Variants in HSPB2 observed in about 807,000 individuals in gnomAD.
HSPB2 encodes heat shock protein beta-2.
Under a neutral mutation model 14.1 loss-of-function variants are expected in HSPB2, and 14 were observed. The observed-to-expected ratio is 0.99, with a 90% confidence interval of 0.66 to 1.55. The LOEUF is 1.55. HSPB2 is among the 40% of genes most tolerant of loss of function. HSPB2 has a pLI of 0.00. For synonymous variants in HSPB2, 110 were observed against 103.4 expected (o/e 1.06, Z -0.39); for missense variants, 242 against 241.7 (o/e 1.00, Z -0.01).
chr11:111,913,939 A>G lies in HSPB2; in HGVS notation c.*44A>G, dbSNP rs782181947. On this transcript the variant is annotated 3_prime_UTR_variant, in exon 2 of 2. Coordinates refer to ENST00000304298, the MANE Select transcript of HSPB2 (RefSeq NM_001541.4). Reference sequence around the variant, plus strand: ...CCAGCAAATCCCTCTCTACCTCCCAAGGTGATATGGGCAGCTGCCCACCAC... The same window carrying G: ...CCAGCAAATCCCTCTCTACCTCCCAGGGTGATATGGGCAGCTGCCCACCAC... 1 of 1,496,706 alleles carries G rather than the reference A, an allele frequency of 6.7e-7. No homozygotes were observed. Among genetic ancestry groups the G allele is most frequent in the East Asian group, 2.3e-5 (1 of 43,310 alleles). 92.7% of individuals were successfully genotyped at this position (1,496,706 alleles called of 1,614,324 possible).
In HSPB2 at chr11:111,913,624, T is replaced by C. The variant is rs1555165873; in HGVS notation, c.278T>C (p.Val93Ala). The change falls in exon 2 of 2, where the codon GTG becomes GCG. Residue 93 changes from valine (V) to alanine (A), a missense_variant. Transcript: ENST00000304298. ...CCAGACGAGGTGACTGTGAGGACTG[T>C]GGATAACCTGCTGGAGGTGTCTGCC... is the stretch of plus-strand genomic sequence containing the variant. Reference protein sequence around the residue: ...FTPDEVTVRTVDNLLEVSARH... With the variant: ...FTPDEVTVRTADNLLEVSARH... 1 of 1,614,162 alleles carries C rather than the reference T, an allele frequency of 6.2e-7. No individual in the cohort carries two copies. The highest frequency in any genetic ancestry group is 8.5e-7 in the Non-Finnish European group (1 of 1,180,032).
chr11:111,913,260 C>T, intron 1 of HSPB2, 181 bp from the exon 2 acceptor site: 1 of 638,016 alleles, frequency 1.6e-6, no homozygotes, highest in Non-Finnish European at 2.8e-6. Flanking sequence ...CCTTTCCGTT[C>T]TCTTTCCCCT....
chr11:111,913,655 C>T lies in HSPB2; in HGVS notation c.309C>T (p.His103=). Residue 103 remains histidine, a synonymous_variant, in exon 2 of 2, where the codon CAC becomes CAT. Transcript: ENST00000304298. ...VDNLLEVSAR[H]PQRLDRHGFV... ...ACCTGCTGGAGGTGTCTGCCCGGCA[C>T]CCCCAGCGCCTGGACCGCCACGGCT... The T allele has an allele frequency of 6.2e-7, 1 of 1,614,162 alleles. No individual in the cohort carries two copies. The highest frequency in any genetic ancestry group is 8.5e-7 in the Non-Finnish European group (1 of 1,180,036).
rs782144055 is a variant in HSPB2, at chr11:111,913,521, G to A, written c.175G>A (p.Gly59Ser). Residue 59 changes from glycine (G) to serine (S), a missense_variant, in exon 2 of 2, where the codon GGC becomes AGC. Physicochemically the swap from Gly to Ser is moderately conservative, Grantham distance 56. Transcript: ENST00000304298. ...GCCTCGGGCCGCCCCAGCTGGGGAG[G>A]GCAGCAGGGCAGGGGCCTCCGAGCT... ...VRPRAAPAGE[G>S]SRAGASELRL... 8 of 1,614,074 alleles carry A rather than the reference G, an allele frequency of 5.0e-6. No individual in the cohort carries two copies. Among genetic ancestry groups the A allele is most frequent in the Non-Finnish European group, 6.8e-6 (8 of 1,179,992 alleles).
intron 1 of HSPB2, 172 bp from the exon 2 acceptor site, chr11:111,913,269 C>G: frequency 1.5e-6 from 1 of 657,320 alleles, no homozygotes; most frequent in Non-Finnish European, 2.7e-6. Context: ...TCTCTTTCCC[C>G]TCTTCCGAGC....
chr11:111,913,660 A>G lies in HSPB2; in HGVS notation c.314A>G (p.Gln105Arg). Residue 105 changes from glutamine to arginine, a missense_variant, in exon 2 of 2, where the codon CAG becomes CGG. By Grantham distance (43) the Gln-to-Arg change is conservative. Transcript: ENST00000304298. ...NLLEVSARHP[Q>R]RLDRHGFVSR... The stretch of plus-strand genomic sequence containing the variant: ...CTGGAGGTGTCTGCCCGGCACCCCC[A>G]GCGCCTGGACCGCCACGGCTTCGTG... 1 of 1,614,112 alleles carries G rather than the reference A, an allele frequency of 6.2e-7. No individual in the cohort carries two copies. Among genetic ancestry groups the G allele is most frequent in the Non-Finnish European group, 8.5e-7 (1 of 1,180,014 alleles).
rs1555165783 is a variant in HSPB2, at chr11:111,912,932, C to T, written c.94+9C>T. ...GCAGCGCTTCGGAGAAGGTATGGCA[C>T]AGACACCACCCCCTTGCCCCCCACC... On this transcript the variant is annotated intron_variant, in intron 1 of 1. Coordinates refer to ENST00000304298, the MANE Select transcript of HSPB2 (RefSeq NM_001541.4). 1.9e-6 allele frequency: 3 copies of T among 1,581,930 alleles called. No homozygotes were observed. The highest frequency in any genetic ancestry group is 3.6e-5 in the Admixed American group (2 of 56,206).
At chr11:111,913,221 C>T (rs1965528139) in intron 1 of HSPB2, 2 of 607,448 alleles carry the variant, frequency 3.3e-6, no homozygotes, top group East Asian at 5.5e-5. Flanking sequence ...CCTCCCCCTC[C>T]TCCTCCTTCT....
In HSPB2 at chr11:111,912,775, C is replaced by T; in HGVS notation, c.-55C>T. ...GCTCTCCGGGCAGCTGGAGGGGTCG[C>T]GCTGCGCCTGTTGGGGCTGCACCTC... is the stretch of plus-strand genomic sequence containing the variant. On this transcript the variant is annotated 5_prime_UTR_variant, in exon 1 of 2. Coordinates refer to ENST00000304298, the MANE Select transcript of HSPB2 (RefSeq NM_001541.4). 8 of 1,414,608 alleles carry T rather than the reference C, an allele frequency of 5.7e-6. No individual in the cohort carries two copies. The highest frequency in any genetic ancestry group is 6.8e-6 in the Non-Finnish European group (7 of 1,028,490). 87.6% of individuals were successfully genotyped at this position (1,414,608 alleles called of 1,614,324 possible).
In HSPB2 at chr11:111,913,557, G is replaced by T; in HGVS notation, c.211G>T (p.Glu71Ter). The change falls in exon 2 of 2, where the codon GAG becomes TAG. Residue 71 changes from glutamate (E) to a stop codon, truncating the protein, a stop_gained. Coordinates refer to ENST00000304298, the MANE Select transcript of HSPB2 (RefSeq NM_001541.4). LOFTEE classifies it high-confidence loss of function. The part of the protein sequence containing the change: ...RAGASELRLS[E>*]GKFQAFLDVS... ...AGGGGCCTCCGAGCTTAGGCTCAGT[G>T]AGGGCAAGTTCCAGGCATTTCTGGA... The T allele has an allele frequency of 6.2e-7, 1 of 1,614,196 alleles. No homozygotes were observed. Among genetic ancestry groups the T allele is most frequent in the South Asian group, 1.1e-5 (1 of 91,090 alleles).
chr11:111,913,316 C>T (rs781895872), intron 1 of HSPB2, 125 bp from the exon 2 acceptor site: 23 of 742,604 alleles, frequency 3.1e-5, no homozygotes, highest in Non-Finnish European at 4.1e-5. Context: ...GCCTCCCTCC[C>T]GTTCCCTACT....
At position 111,913,752 on chromosome 11, in the gene HSPB2, C is replaced by G. The variant is rs782718651; in HGVS notation, c.406C>G (p.Leu136Val). ...DVDPWRVRAA[L>V]SHDGILNLEA... ...CGACCCCTGGCGAGTCCGAGCTGCT[C>G]TCTCCCATGATGGCATCTTAAACCT... The change falls in exon 2 of 2, where the codon CTC becomes GTC. Residue 136 changes from leucine to valine, a missense_variant. By Grantham distance (32) the Leu-to-Val change is conservative. Transcript: ENST00000304298. 4 of 1,614,172 alleles carry G rather than the reference C, an allele frequency of 2.5e-6. No homozygotes were observed. The highest frequency in any genetic ancestry group is 3.4e-6 in the Non-Finnish European group (4 of 1,180,040).
At chr11:111,913,396 C>G in intron 1 of HSPB2, 45 bp from the exon 2 acceptor site, 1 of 1,471,954 alleles carries the variant, frequency 6.8e-7, no homozygotes, top group Non-Finnish European at 9.3e-7. Flanking sequence ...CTGTGCCAGC[C>G]TCATCCTCCC....
intron 1 of HSPB2, 54 bp downstream of exon 1, chr11:111,912,977 G>T (rs1181306292): frequency 1.6e-5 from 22 of 1,356,330 alleles, no homozygotes; most frequent in Non-Finnish European, 2.2e-5. Flanking sequence ...TGAAATTCTG[G>T]GCTGACCTCC....
intron 1 of HSPB2, 26 bp downstream of exon 1, chr11:111,912,949 C>A: frequency 2.1e-6 from 2 of 969,386 alleles, no homozygotes; most frequent in Non-Finnish European, 2.8e-6. Context: ...CACCCCCTTG[C>A]CCCCCACCCC....
At position 111,913,813 on chromosome 11, in the gene HSPB2, A is replaced by G. The variant is rs1592513251; in HGVS notation, c.467A>G (p.Glu156Gly). Residue 156 changes from glutamate to glycine, a missense_variant, in exon 2 of 2, where the codon GAG becomes GGG. By Grantham distance (98) the Glu-to-Gly change is moderately conservative. Coordinates refer to ENST00000304298, the MANE Select transcript of HSPB2 (RefSeq NM_001541.4). Reference protein sequence around the residue: ...APRGGRHLDTEVNEVYISLLP... With the variant: ...APRGGRHLDTGVNEVYISLLP... Reference sequence around the variant, plus strand: ...CGGGGTGGCCGACATTTGGACACAGAGGTCAATGAGGTCTACATCTCCCTG... The same window carrying G: ...CGGGGTGGCCGACATTTGGACACAGGGGTCAATGAGGTCTACATCTCCCTG... 2 of 1,614,140 alleles carry G rather than the reference A, an allele frequency of 1.2e-6. No homozygotes were observed. Among genetic ancestry groups the G allele is most frequent in the East Asian group, 4.5e-5 (2 of 44,878 alleles).
Position 111,913,592 on chromosome 11 carries a change from C to T in HSPB2, c.246C>T (p.His82=). Reference sequence around the variant, plus strand: ...TCCAGGCATTTCTGGATGTGAGCCACTTTACCCCAGACGAGGTGACTGTGA... The same window carrying T: ...TCCAGGCATTTCTGGATGTGAGCCATTTTACCCCAGACGAGGTGACTGTGA... ...GKFQAFLDVS[H]FTPDEVTVRT... is the part of the protein sequence containing the mutation. Residue 82 remains histidine (H), a synonymous_variant, in exon 2 of 2, where the codon CAC becomes CAT. Coordinates refer to ENST00000304298, the MANE Select transcript of HSPB2 (RefSeq NM_001541.4). 1 of 1,614,210 alleles carries T rather than the reference C, an allele frequency of 6.2e-7. No individual in the cohort carries two copies. The highest frequency in any genetic ancestry group is 8.5e-7 in the Non-Finnish European group (1 of 1,180,036).
chr11:111,912,838 C>G lies in HSPB2; in HGVS notation c.9C>G (p.Gly3=), dbSNP rs1417396308. ...CTGCTGCATCTGCAGCCATGTCGGG[C>G]CGCTCAGTGCCACATGCCCACCCGG... MS[G]RSVPHAHPAT... is the part of the protein sequence containing the mutation. Residue 3 remains glycine, a synonymous_variant, in exon 1 of 2, where the codon GGC becomes GGG. Transcript: ENST00000304298. 2 of 1,602,204 alleles carry G rather than the reference C, an allele frequency of 1.2e-6. No individual in the cohort carries two copies. Among genetic ancestry groups the G allele is most frequent in the Non-Finnish European group, 1.7e-6 (2 of 1,176,180 alleles).
Position 111,913,930 on chromosome 11 carries a change from T to G in HSPB2, c.*35T>G. 111 of 1,541,760 alleles carry G rather than the reference T, an allele frequency of 7.2e-5. No homozygotes were observed. Among genetic ancestry groups the G allele is most frequent in the Non-Finnish European group, 9.1e-5 (103 of 1,136,636 alleles). On this transcript the variant is annotated 3_prime_UTR_variant, in exon 2 of 2. Coordinates refer to ENST00000304298, the MANE Select transcript of HSPB2 (RefSeq NM_001541.4). Reference sequence around the variant, plus strand: ...ACCCAGCACCCAGCAAATCCCTCTCTACCTCCCAAGGTGATATGGGCAGCT... The same window carrying G: ...ACCCAGCACCCAGCAAATCCCTCTCGACCTCCCAAGGTGATATGGGCAGCT...
Sources: allele counts gnomAD v4.1 joint callset, GRCh38; gene constraint gnomAD v4.1.1; transcripts MANE v1.5; gene names NCBI Gene and HGNC (gene_info 2026-07-23, HGNC 2026-07-21).